The following HTR4 variants were observed in gnomAD, a reference collection of about 807,000 sequenced individuals.
HTR4 encodes the protein 5-hydroxytryptamine receptor 4.
In HTR4, 16 loss-of-function variants were observed where a neutral mutation model predicts 36.8. The ratio of observed to expected loss-of-function variants is 0.43; its 90% confidence interval spans 0.29 to 0.66. HTR4 has a LOEUF of 0.66. Among genes scored for constraint, HTR4 ranks in the 30% least tolerant of loss-of-function variants. The probability of loss-of-function intolerance (pLI) is 0.13; values close to 1 mark genes in which losing one functional copy is unlikely to be tolerated. For missense variants in HTR4, 438 were observed against 490.9 expected (o/e 0.89, Z 1.02); for synonymous variants, 189 against 185.1 (o/e 1.02, Z -0.17).
At chr5:148,591,303 C>T (rs969457459) in intron 2 of HTR4, among the ~76,000 whole-genome samples, 2 of 152,010 alleles carry the variant, frequency 1.3e-5, no homozygotes, top group South Asian at 2.1e-4. Flanking sequence ...ATTTCCTTGG[C>T]TATTAGGGCT....
At chr5:148,491,130 C>T (rs981076508) in intron 6 of HTR4, among the ~76,000 whole-genome samples, 7 of 152,128 alleles carry the variant, frequency 4.6e-5, no homozygotes, top group African/African-American at 1.7e-4. Flanking sequence ...GAGGAGATTT[C>T]TTCCTGAACA....
intron 2 of HTR4, among the ~76,000 whole-genome samples, chr5:148,564,214 T>C (rs1298711082): frequency 6.6e-6 from 1 of 152,178 alleles, no homozygotes; most frequent in Non-Finnish European, 1.5e-5. Flanking sequence ...TCTCACTCAG[T>C]GAGATGAGGC....
chr5:148,546,637 AT>A (rs1043503334), intron 4 of HTR4, among the ~76,000 whole-genome samples: 4 of 151,558 alleles, frequency 2.6e-5, no homozygotes, highest in East Asian at 3.9e-4. Flanking sequence ...ACTTTCTCCC[AT>A]TTTTTTTCCT....
chr5:148,632,145 T>C (rs1375921768), intron 2 of HTR4, among the ~76,000 whole-genome samples: 1 of 152,096 alleles, frequency 6.6e-6, no homozygotes, highest in Admixed American at 6.6e-5. Context: ...AATACATTAT[T>C]TAAAAAGCAA....
intron 4 of HTR4, among the ~76,000 whole-genome samples, chr5:148,525,105 C>A (rs1426856092): frequency 6.6e-6 from 1 of 152,120 alleles, no homozygotes; most frequent in African/African-American, 2.4e-5. Context: ...TCCGAAAAAC[C>A]ATTGTCTCCA....
intron 2 of HTR4, among the ~76,000 whole-genome samples, chr5:148,635,228 T>C (rs1306871539): frequency 1.3e-5 from 2 of 152,200 alleles, no homozygotes; most frequent in African/African-American, 4.8e-5. Flanking sequence ...ATTCATTATG[T>C]ATTCCTAACA....
chr5:148,650,566 A>G (rs1267806054), intron 1 of HTR4, among the ~76,000 whole-genome samples: 3 of 152,164 alleles, frequency 2.0e-5, no homozygotes, highest in Non-Finnish European at 4.4e-5. Context: ...ATAAAGACAG[A>G]GTTTTTTTTA....
At chr5:148,499,342 T>G (rs181257122) in intron 6 of HTR4, among the ~76,000 whole-genome samples, 7 of 152,182 alleles carry the variant, frequency 4.6e-5, no homozygotes, top group Non-Finnish European at 8.8e-5. Context: ...TCTAGTGACC[T>G]GTCCAGTACT....
At chr5:148,580,671 G>T (rs745325145) in intron 2 of HTR4, among the ~76,000 whole-genome samples, 19 of 151,972 alleles carry the variant, frequency 1.3e-4, no homozygotes, top group Non-Finnish European at 2.5e-4. Context: ...TGTCTTCCAG[G>T]TTTATACATG....
intron 5 of HTR4, among the ~76,000 whole-genome samples, chr5:148,517,854 T>C (rs190903752): frequency 4.0e-4 from 61 of 152,298 alleles, no homozygotes; most frequent in African/African-American, 1.4e-3. Context: ...TACTCTGCAA[T>C]GGCTTCCCAT....
At chr5:148,527,094 T>C (rs1758316608) in intron 4 of HTR4, among the ~76,000 whole-genome samples, 1 of 152,192 alleles carries the variant, frequency 6.6e-6, no homozygotes, top group African/African-American at 2.4e-5. Context: ...CTACCCTGAT[T>C]TGATCACTAC....
chr5:148,641,427 G>C (rs981823855), intron 1 of HTR4, among the ~76,000 whole-genome samples: 2 of 152,140 alleles, frequency 1.3e-5, no homozygotes, highest in African/African-American at 4.8e-5. Flanking sequence ...AACAGTCCTA[G>C]ATCATCGGAA....
At chr5:148,502,841 C>G (rs1180678303) in intron 6 of HTR4, among the ~76,000 whole-genome samples, 2 of 152,110 alleles carry the variant, frequency 1.3e-5, no homozygotes, top group Non-Finnish European at 2.9e-5. Context: ...AACTACGTGA[C>G]AAATGCACAA....
At chr5:148,610,051 C>G (rs531443739) in intron 2 of HTR4, among the ~76,000 whole-genome samples, 26 of 152,306 alleles carry the variant, frequency 1.7e-4, no homozygotes, top group African/African-American at 6.0e-4. Flanking sequence ...TCATTGGAAG[C>G]CAGGGCATTT....
chr5:148,540,434 A>G (rs1490917533), intron 4 of HTR4, among the ~76,000 whole-genome samples: 15 of 137,806 alleles, frequency 1.1e-4, no homozygotes, highest in Admixed American at 2.2e-4. Flanking sequence ...ATATATATAT[A>G]TATATATATA....
chr5:148,607,203 T>C (rs997354077), intron 2 of HTR4, among the ~76,000 whole-genome samples: 2 of 152,214 alleles, frequency 1.3e-5, no homozygotes, highest in Non-Finnish European at 2.9e-5. Flanking sequence ...GATATTTATG[T>C]TCTTAACACA....
At chr5:148,550,637 G>A (rs925187300) in intron 2 of HTR4, among the ~76,000 whole-genome samples, 1 of 152,172 alleles carries the variant, frequency 6.6e-6, no homozygotes, top group Admixed American at 6.5e-5. Context: ...CTTTGCAACT[G>A]CAGGAGCAGC....
rs569146823 is a variant in HTR4 at position 148,527,726 on chromosome 5, T to A, written c.354-4380A>T. 4.5e-4 allele frequency among the ~76,000 whole-genome samples: 69 copies of A among 152,292 alleles called. 2 individuals carry two copies. In the South Asian group the frequency reaches 0.014, roughly 32 times the overall value. ...GCCTCCCAGGCTCAATTGATTCAGC[T>A]GCCTAGCTTCCTGAGTAGCTGGGAA... On this transcript the variant is annotated intron_variant, in intron 4 of 6. Transcript: ENST00000377888.
downstream of HTR4, among the ~76,000 whole-genome samples, chr5:148,480,280 T>TGAAATGTGTGTTGGGCAACCTG (rs1432593262): frequency 6.6e-6 from 1 of 152,240 alleles, no homozygotes; most frequent in African/African-American, 2.4e-5. Flanking sequence ...CTGTGATTCA[T>TGAAATGTGTGTTGGGCAACCTG]AAATTCGTGT....
Sources: allele counts gnomAD v4.1 joint callset (sites outside exome capture counted in the v4.1 genomes callset), GRCh38; gene constraint gnomAD v4.1.1; transcripts MANE v1.5; gene names NCBI Gene and HGNC (gene_info 2026-07-23, HGNC 2026-07-21).